Variants in GPC1 observed in about 807,000 individuals in gnomAD.
GPC1 encodes glypican-1.
Under a neutral mutation model 51.5 loss-of-function variants are expected in GPC1, and 26 were observed. The ratio of observed to expected loss-of-function variants is 0.50; its 90% CI spans 0.37 to 0.70. The LOEUF (loss-of-function observed/expected upper bound fraction) is 0.70, where lower values mean the gene tolerates loss of function less well. GPC1 is among the 30% of genes least tolerant of loss of function. The pLI is 0.00. For synonymous variants in GPC1, 380 were observed against 348.3 expected (o/e 1.09, Z -1.01); for missense variants, 775 against 800.5 (o/e 0.97, Z 0.38).
At chr2:240,449,944 A>C in intron 1 of GPC1, 1 of 469,028 alleles carries the variant, frequency 2.1e-6, no homozygotes, top group Non-Finnish European at 4.4e-6. Flanking sequence ...TGTGGAAACA[A>C]TCTATTCGAC....
chr2:240,449,479 C>T (rs1020960975), intron 1 of GPC1: 5 of 202,044 alleles, frequency 2.5e-5, no homozygotes, highest in African/African-American at 1.2e-4. Flanking sequence ...GTAAATATGC[C>T]CTACATATTT....
chr2:240,465,765 A>G, intron 8 of GPC1, 117 bp downstream of exon 8: 1 of 833,526 alleles, frequency 1.2e-6, no homozygotes, highest in Non-Finnish European at 1.9e-6. Context: ...GCATCACCAC[A>G]GTGAGTCTGA....
intron 2 of GPC1, among the ~76,000 whole-genome samples, 159 bp from the exon 3 acceptor site, chr2:240,462,032 A>T (rs1354235335): frequency 6.6e-6 from 1 of 151,858 alleles, no homozygotes; most frequent in Non-Finnish European, 1.5e-5. Context: ...CGCCCCATGG[A>T]TGCCCACAGG....
rs1282292697 is a variant in GPC1 at position 240,466,435 on chromosome 2, C to T, written c.*145C>T. On this transcript the variant is annotated 3_prime_UTR_variant, in exon 9 of 9. Coordinates refer to ENST00000264039, the MANE Select transcript of GPC1 (RefSeq NM_002081.3). The stretch of plus-strand genomic sequence containing the variant: ...TCTGAGCAGGGGCAGGCGCAGAGGT[C>T]CCAGCCCCAGGCCTGGCCTCGCCTG... The T allele has an allele frequency of 3.4e-6, 2 of 593,550 alleles. No individual in the cohort carries two copies. The highest frequency in any genetic ancestry group is 3.7e-5 in the African/African-American group (2 of 53,718). The allele number at this position is 593,550 out of a possible 1,614,324, so 36.8% of individuals were successfully genotyped here. A position where few individuals can be genotyped will look rare whatever the true frequency, so the allele number is the denominator to read the frequency against.
At chr2:240,462,879 G>A (rs1392140913) in intron 3 of GPC1, among the ~76,000 whole-genome samples, 1 of 152,194 alleles carries the variant, frequency 6.6e-6, no homozygotes, top group Non-Finnish European at 1.5e-5. Flanking sequence ...GCTGAGCCAG[G>A]CTGTGGAGTG....
rs763031306 is a variant in GPC1 at position 240,465,197 on chromosome 2, A to T, written c.1255A>T (p.Met419Leu). ...CAGTGATGACCGCTGCTGGAACGGG[A>T]TGGCCAGAGGCCGGTAGGTGCCCAC... ...TASDDRCWNG[M>L]ARGRYLPEVM... Residue 419 changes from methionine to leucine, a missense_variant, in exon 7 of 9, where the codon ATG becomes TTG. Physicochemically the swap from Met to Leu is conservative, Grantham distance 15. Transcript: ENST00000264039. 2 of 1,609,678 alleles carry T rather than the reference A, an allele frequency of 1.2e-6. No homozygotes were observed. Among genetic ancestry groups the T allele is most frequent in the Admixed American group, 3.3e-5 (2 of 59,820 alleles).
intron 1 of GPC1, chr2:240,458,701 C>T (rs567423928): frequency 3.3e-6 from 1 of 302,970 alleles, no homozygotes; most frequent in East Asian, 6.0e-5. Context: ...CTTCTCCACA[C>T]TTGCACACAG....
At chr2:240,456,549 C>T in intron 1 of GPC1, 1 of 464,516 alleles carries the variant, frequency 2.2e-6, no homozygotes, top group Non-Finnish European at 4.5e-6. Flanking sequence ...CTGGCACCTG[C>T]CACCCCCTCC....
intron 1 of GPC1, among the ~76,000 whole-genome samples, chr2:240,441,448 C>CA (rs1352790908): frequency 6.6e-6 from 1 of 152,248 alleles, no homozygotes; most frequent in Non-Finnish European, 1.5e-5. Flanking sequence ...GGGCCTGGCT[C>CA]AGTTATTTCA....
At chr2:240,443,059 C>G (rs1168050890) in intron 1 of GPC1, among the ~76,000 whole-genome samples, 1 of 152,252 alleles carries the variant, frequency 6.6e-6, no homozygotes, top group Non-Finnish European at 1.5e-5. Context: ...CCCTCAGGTC[C>G]GGGTGGCAGG....
Position 240,463,388 on chromosome 2 carries a change from G to T in GPC1, c.759G>T (p.Leu253=). 6.2e-7 allele frequency: 1 copy of T among 1,612,910 alleles called. No homozygotes were observed. Among genetic ancestry groups the T allele is most frequent in the Non-Finnish European group, 8.5e-7 (1 of 1,179,892 alleles). Reference sequence around the variant, plus strand: ...AGTGCTCGAGAGCTGTCATGAAGCTGGTCTACTGTGCTCACTGCCTGGGAG... The same window carrying T: ...AGTGCTCGAGAGCTGTCATGAAGCTTGTCTACTGTGCTCACTGCCTGGGAG... ...GPECSRAVMK[L]VYCAHCLGVP... The change falls in exon 4 of 9, where the codon CTG becomes CTT. Residue 253 remains leucine (L), a synonymous_variant. Transcript: ENST00000264039.
intron 1 of GPC1, among the ~76,000 whole-genome samples, chr2:240,445,648 T>C (rs1476571886): frequency 6.6e-6 from 1 of 152,188 alleles, no homozygotes; most frequent in African/African-American, 2.4e-5. Flanking sequence ...GTTCTGGATG[T>C]AATTCATGGG....
chr2:240,459,710 G>A (rs1031093174), intron 2 of GPC1, among the ~76,000 whole-genome samples: 12 of 152,130 alleles, frequency 7.9e-5, no homozygotes, highest in African/African-American at 2.2e-4. Flanking sequence ...TGGGGGCCGC[G>A]GGGAGTGACC....
In GPC1 at chr2:240,435,964, G is replaced by A; in HGVS notation, c.46G>A (p.Ala16Thr). Residue 16 changes from alanine (A) to threonine (T), a missense_variant, in exon 1 of 9, where the codon GCG becomes ACG. By Grantham distance (58) the Ala-to-Thr change is moderately conservative. Transcript: ENST00000264039. ...RGWWLLCAAA[A>T]LVACARGDPA... ...CTGGTGGCTGCTATGTGCGGCCGCA[G>A]CGCTGGTCGCCTGCGCCCGCGGGGA... is the stretch of plus-strand genomic sequence containing the variant. 7.5e-7 allele frequency: 1 copy of A among 1,336,174 alleles called. No homozygotes were observed. Among genetic ancestry groups the A allele is most frequent in the Admixed American group, 3.4e-5 (1 of 29,740 alleles). 82.8% of individuals were successfully genotyped at this position (1,336,174 alleles called of 1,614,324 possible). A position where few individuals can be genotyped will look rare whatever the true frequency, so the allele number is the denominator to read the frequency against.
intron 2 of GPC1, among the ~76,000 whole-genome samples, chr2:240,459,703 G>A (rs1333546355): frequency 1.3e-5 from 2 of 152,264 alleles, no homozygotes; most frequent in Non-Finnish European, 2.9e-5. Context: ...AGGAGTCTGG[G>A]GGCCGCGGGG....
chr2:240,442,711 G>A (rs902502843), intron 1 of GPC1, among the ~76,000 whole-genome samples: 1 of 152,198 alleles, frequency 6.6e-6, no homozygotes, highest in East Asian at 1.9e-4. Flanking sequence ...GGTTTTGGGG[G>A]TACAGTTTAG....
At chr2:240,453,077 G>A (rs1354232148) in intron 1 of GPC1, 3 of 308,682 alleles carry the variant, frequency 9.7e-6, no homozygotes, top group Non-Finnish European at 6.3e-6. Flanking sequence ...CTCCCGCAGC[G>A]CCACCGTACC....
At chr2:240,445,511 CA>C (rs138894866) in intron 1 of GPC1, among the ~76,000 whole-genome samples, 2,395 of 152,206 alleles carry the variant, frequency 0.016, 29 homozygotes, top group South Asian at 0.022. Flanking sequence ...AGAGGGAGCT[CA>C]GGGGAGGGGG....
chr2:240,463,210 C>A, intron 3 of GPC1, 137 bp from the exon 4 acceptor site: 1 of 683,336 alleles, frequency 1.5e-6, no homozygotes, highest in Non-Finnish European at 2.5e-6. Context: ...AGGCAGCGAC[C>A]ACCACGAGCT....
Sources: allele counts gnomAD v4.1 joint callset (sites outside exome capture counted in the v4.1 genomes callset), GRCh38; gene constraint gnomAD v4.1.1; transcripts MANE v1.5; gene names NCBI Gene and HGNC (gene_info 2026-07-23, HGNC 2026-07-21).